ARHGAP11B: variants seen among roughly 807,000 people sequenced by gnomAD.
ARHGAP11B encodes Rho GTPase activating protein 11B, also known as inactive Rho GTPase-activating protein 11B.
Under a neutral mutation model 27.6 loss-of-function variants are expected in ARHGAP11B, and 14 were observed. The observed-to-expected ratio is 0.51, with a 90% CI of 0.34 to 0.79. The LOEUF is 0.79. Ranked by LOEUF, ARHGAP11B falls within the 30% of genes least tolerant of loss-of-function variation. The probability of loss-of-function intolerance (pLI) is 0.02; values close to 1 mark genes in which losing one functional copy is unlikely to be tolerated. For synonymous variants in ARHGAP11B, 82 were observed against 114.1 expected (o/e 0.72, Z 1.80); for missense variants, 245 against 320.1 (o/e 0.77, Z 1.79).
chr15:30,639,571 C>T (rs981023772), intron 7 of ARHGAP11B, among the ~76,000 whole-genome samples: 1 of 151,968 alleles, frequency 6.6e-6, no homozygotes, highest in Non-Finnish European at 1.5e-5. Context: ...ATGTTGTCAA[C>T]TCTGCAGTAG....
At chr15:30,636,803 C>T (rs979640426) in intron 6 of ARHGAP11B, among the ~76,000 whole-genome samples, 9 of 152,084 alleles carry the variant, frequency 5.9e-5, no homozygotes, top group African/African-American at 2.2e-4. Context: ...CTTGCAGCCG[C>T]GTCACTCCAA....
At chr15:30,647,292 A>G (rs968688181) in intron 9 of ARHGAP11B, among the ~76,000 whole-genome samples, 1 of 151,966 alleles carries the variant, frequency 6.6e-6, no homozygotes, top group Non-Finnish European at 1.5e-5. Flanking sequence ...ATCCTCAGAA[A>G]GGAATTACGG....
rs190211934 is a variant in ARHGAP11B, at chr15:30,644,633, C to A, written c.*79-6C>A. ...TCTCAAAAGGTTTTATTTTTTTTAACCACAGATAATGAAACAACCACCATC... is the reference window on the plus strand; with the variant it reads ...TCTCAAAAGGTTTTATTTTTTTTAAACACAGATAATGAAACAACCACCATC... On this transcript the variant is annotated splice_region_variant and splice_polypyrimidine_tract_variant and intron_variant, in intron 7 of 10. Coordinates refer to ENST00000428041, the Ensembl canonical transcript of ARHGAP11B. The A allele has an allele frequency of 7.2e-4, 1,118 of 1,562,378 alleles. 9 individuals are homozygous for A. Among genetic ancestry groups the A allele is most frequent in the Admixed American group, 1.6e-3 (96 of 58,732 alleles).
At chr15:30,637,229 T>C (rs1421083856) in intron 6 of ARHGAP11B, among the ~76,000 whole-genome samples, 2 of 151,820 alleles carry the variant, frequency 1.3e-5, no homozygotes, top group South Asian at 2.1e-4. Context: ...CTGCTTTTCA[T>C]TGGTGCTTTA....
chr15:30,640,221 A>G (rs1220580994), intron 7 of ARHGAP11B, among the ~76,000 whole-genome samples: 1 of 129,664 alleles, frequency 7.7e-6, no homozygotes, highest in Non-Finnish European at 1.6e-5. Context: ...TGGGAGCGTT[A>G]CTATTGCAGG....
chr15:30,646,113 G>A lies in ARHGAP11B; in HGVS notation c.*143-1G>A, dbSNP rs112615235. 787 of 937,028 alleles carry A rather than the reference G, an allele frequency of 8.4e-4. 10 individuals carry two copies. In the African/African-American group the frequency reaches 9.5e-3, roughly 11 times the overall value. 58.0% of individuals were successfully genotyped at this position (937,028 alleles called of 1,614,324 possible). On this transcript the variant is annotated splice_acceptor_variant, in intron 8 of 10. Transcript: ENST00000428041. LOFTEE classifies it low-confidence loss of function (3UTR_SPLICE). Reference sequence around the variant, plus strand: ...CTTCTGTTATTTTCTTTCCTTGGCAGTGGATAAGTTATAATTTCTGAAAGA... The same window carrying A: ...CTTCTGTTATTTTCTTTCCTTGGCAATGGATAAGTTATAATTTCTGAAAGA...
intron 2 of ARHGAP11B, among the ~76,000 whole-genome samples, chr15:30,632,272 T>C (rs1198951074): frequency 8.2e-6 from 1 of 122,580 alleles, no homozygotes; most frequent in Non-Finnish European, 1.7e-5. Context: ...AATAGAAAAA[T>C]TAGCTGGGCG....
At position 30,635,648 on chromosome 15, in the gene ARHGAP11B, C is replaced by T. The variant is rs199799461; in HGVS notation, c.*3+15C>T. The T allele has an allele frequency of 5.6e-5, 91 of 1,612,770 alleles. No individual in the cohort carries two copies. The highest frequency in any genetic ancestry group is 2.0e-5 in the Non-Finnish European group (24 of 1,179,296). ...ACGTGTAGGAGGTAAGTGGTGGTCCCATTTTATGGAGGTACAGTGATTTGC... is the reference window on the plus strand; with the variant it reads ...ACGTGTAGGAGGTAAGTGGTGGTCCTATTTTATGGAGGTACAGTGATTTGC... On this transcript the variant is annotated intron_variant, in intron 6 of 10. Coordinates refer to ENST00000428041, the Ensembl canonical transcript of ARHGAP11B.
At chr15:30,630,521 A>G (rs1293575165) in intron 1 of ARHGAP11B, among the ~76,000 whole-genome samples, 182 bp from the exon 2 acceptor site, 2 of 151,916 alleles carry the variant, frequency 1.3e-5, no homozygotes, top group Admixed American at 6.6e-5. Context: ...TCAGCATACT[A>G]TCTAATATAG....
rs1385818613 is a variant in ARHGAP11B, at chr15:30,639,065, A to C, written c.*78+245A>C. ...TCCTATGTCTTTAATCTTCTTAATC[A>C]TGCTTTTCTGTTTGTAATTTAGATG... On this transcript the variant is annotated intron_variant, in intron 7 of 10. Transcript: ENST00000428041. Among the ~76,000 whole-genome samples the C allele has an allele frequency of 3.9e-5, 6 of 152,072 alleles. No individual in the cohort carries two copies. The East Asian group carries it at 9.7e-4, about 25-fold the overall frequency.
At chr15:30,632,814 CTG>C (rs2060254361) in intron 2 of ARHGAP11B, among the ~76,000 whole-genome samples, 1 of 151,846 alleles carries the variant, frequency 6.6e-6, no homozygotes, top group South Asian at 2.1e-4. Flanking sequence ...AAACCTCGCC[CTG>C]TTTTTGGGTG....
intron 7 of ARHGAP11B, 97 bp downstream of exon 7, chr15:30,638,907 G>T: frequency 2.9e-6 from 2 of 695,038 alleles, no homozygotes; most frequent in Non-Finnish European, 4.3e-6. Context: ...GCCTAACTTA[G>T]TAATCAAATT....
Position 30,635,077 on chromosome 15 carries a change from A to C in ARHGAP11B, c.552-3A>C, listed in dbSNP as rs2060270549. ...CATCTAATAAAGCGTTTATTCACTT[A>C]AGATCCAGTGAGAATAAGATGGATA... On this transcript the variant is annotated splice_polypyrimidine_tract_variant and splice_region_variant and intron_variant, in intron 4 of 10. Coordinates refer to ENST00000428041, the Ensembl canonical transcript of ARHGAP11B. 6.2e-7 allele frequency: 1 copy of C among 1,612,714 alleles called. No homozygotes were observed. Among genetic ancestry groups the C allele is most frequent in the African/African-American group, 1.3e-5 (1 of 74,994 alleles).
At chr15:30,644,611 C>T in intron 7 of ARHGAP11B, 1 of 1,481,330 alleles carries the variant, frequency 6.8e-7, no homozygotes, top group Non-Finnish European at 9.4e-7. Flanking sequence ...AAAATTGTCT[C>T]AAAAGGTTTT....
At chr15:30,648,074 C>T (rs2060362273) in intron 10 of ARHGAP11B, among the ~76,000 whole-genome samples, 2 of 151,920 alleles carry the variant, frequency 1.3e-5, no homozygotes, top group Admixed American at 1.3e-4. Flanking sequence ...GTTAGGATTA[C>T]AGGAGTGAGC....
At chr15:30,627,068 A>C in intron 1 of ARHGAP11B, 119 bp downstream of exon 1, 1 of 1,411,064 alleles carries the variant, frequency 7.1e-7, no homozygotes, top group Non-Finnish European at 9.4e-7. Flanking sequence ...TTAGGTGTGT[A>C]ATTCAGTTCA....
chr15:30,636,511 T>A (rs2060280396), intron 6 of ARHGAP11B, among the ~76,000 whole-genome samples: 1 of 152,010 alleles, frequency 6.6e-6, no homozygotes, highest in South Asian at 2.1e-4. Flanking sequence ...TCCCAATCCC[T>A]TTTTCATCTT....
At chr15:30,634,109 T>G in intron 3 of ARHGAP11B, 61 bp from the exon 4 acceptor site, 1 of 1,603,082 alleles carries the variant, frequency 6.2e-7, no homozygotes, top group Middle Eastern at 1.7e-4. Context: ...AACAAAAGAT[T>G]CTTTATTTGC....
exon 11 of ARHGAP11B, chr15:30,649,025 A>G (rs1027523539): frequency 6.6e-6 from 1 of 152,030 alleles, no homozygotes; most frequent in African/African-American, 2.4e-5. Context: ...TATACCCTTG[A>G]ATGGCGTGCC....
Sources: gnomAD v4.1 joint callset for allele counts (sites outside exome capture counted in the v4.1 genomes callset) on GRCh38, gnomAD v4.1.1 for gene constraint, MANE v1.5 for transcripts, NCBI Gene and HGNC (gene_info 2026-07-23, HGNC 2026-07-21) for gene names.